The following ZFAT variants were observed in gnomAD, a reference collection of about 807,000 sequenced individuals.
ZFAT encodes the protein zinc finger and AT-hook domain containing.
In ZFAT, 64 loss-of-function variants were observed where a neutral mutation model predicts 117.7. That is an observed-to-expected ratio of 0.54 (90% CI 0.44 to 0.67). The LOEUF is 0.67. ZFAT is among the 30% of genes least tolerant of loss of function. ZFAT has a pLI of 0.00. For missense variants in ZFAT, 1,433 were observed against 1,584.5 expected (o/e 0.90, Z 1.62); for synonymous variants, 679 against 615.0 (o/e 1.10, Z -1.54).
chr8:134,564,609 C>A (rs1373784264), intron 11 of ZFAT, among the ~76,000 whole-genome samples: 3 of 152,194 alleles, frequency 2.0e-5, no homozygotes, highest in Non-Finnish European at 4.4e-5. Context: ...ATTTCAAAAA[C>A]CATTTTAGAG....
chr8:134,726,893 G>A, the ZFAT span, among the ~76,000 whole-genome samples: 63 of 152,156 alleles, frequency 4.1e-4, no homozygotes, highest in Non-Finnish European at 5.9e-4. Context: ...AGAAGCCACC[G>A]CACAGGGCTG....
intron 11 of ZFAT, among the ~76,000 whole-genome samples, chr8:134,540,936 A>T (rs1229134540): frequency 6.6e-6 from 1 of 152,152 alleles, no homozygotes; most frequent in Non-Finnish European, 1.5e-5. Flanking sequence ...TTTTAGGCTC[A>T]TGAAAATGTG....
the ZFAT span, among the ~76,000 whole-genome samples, chr8:134,754,206 T>C: frequency 6.6e-6 from 1 of 152,178 alleles, no homozygotes; most frequent in African/African-American, 2.4e-5. Context: ...ACAGAGTCCT[T>C]GTGAATAAAT....
intron 11 of ZFAT, among the ~76,000 whole-genome samples, chr8:134,541,086 T>G (rs9324581): frequency 0.46 from 69,185 of 151,992 alleles, 16,774 homozygotes; most frequent in East Asian, 0.67. Context: ...GCTTCCTCAC[T>G]TGACCTTAAG....
the ZFAT span, among the ~76,000 whole-genome samples, chr8:134,787,793 T>C: frequency 7.2e-6 from 1 of 138,872 alleles, no homozygotes; most frequent in African/African-American, 2.7e-5. Flanking sequence ...TATATCCATA[T>C]ATTTAGAATT....
chr8:134,706,995 G>A lies in ZFAT; in HGVS notation c.19+5850C>T, dbSNP rs112230407. 1.5e-3 allele frequency among the ~76,000 whole-genome samples: 230 copies of A among 152,056 alleles called. 1 individual carries two copies. Among genetic ancestry groups the A allele is most frequent in the African/African-American group, 5.4e-3 (222 of 41,480 alleles). ...TCTTCCTGTCCCTCAACATTTCCAA[G>A]ATAAAGTCCTGACAGCTTCCCACTA... On this transcript the variant is annotated intron_variant, in intron 1 of 15. Coordinates refer to ENST00000377838, the MANE Select transcript of ZFAT (RefSeq NM_020863.4).
chr8:134,814,940 A>G, the ZFAT span, among the ~76,000 whole-genome samples: 1 of 152,230 alleles, frequency 6.6e-6, no homozygotes, highest in East Asian at 1.9e-4. Context: ...CAACTAGAAG[A>G]ATAGTAAAAT....
At chr8:134,683,077 A>C (rs913053939) in intron 1 of ZFAT, among the ~76,000 whole-genome samples, 11 of 152,250 alleles carry the variant, frequency 7.2e-5, no homozygotes, top group African/African-American at 2.2e-4. Context: ...TTGTTGGAAT[A>C]ATACGCTTTG....
the ZFAT span, among the ~76,000 whole-genome samples, chr8:134,778,071 C>T: frequency 0.018 from 2,787 of 152,282 alleles, 71 homozygotes; most frequent in African/African-American, 0.064. Flanking sequence ...GAAGAACAAT[C>T]CAAAGAGCTG....
the ZFAT span, among the ~76,000 whole-genome samples, chr8:134,768,300 G>T: frequency 2.6e-5 from 4 of 152,088 alleles, no homozygotes; most frequent in Non-Finnish European, 5.9e-5. Context: ...CAGTTGTTTT[G>T]AGGCATCGCA....
intron 3 of ZFAT, among the ~76,000 whole-genome samples, chr8:134,626,825 A>G (rs911149607): frequency 1.1e-4 from 16 of 152,210 alleles, no homozygotes; most frequent in African/African-American, 3.9e-4. Context: ...CATTTATCTG[A>G]GCTTTTTATC....
chr8:134,499,895 G>C (rs978647613), intron 15 of ZFAT, among the ~76,000 whole-genome samples: 7 of 152,218 alleles, frequency 4.6e-5, no homozygotes, highest in African/African-American at 1.7e-4. Context: ...CCCTCCACCA[G>C]CTGGGGACAC....
At chr8:134,748,588 G>A in the ZFAT span, among the ~76,000 whole-genome samples, 3 of 152,096 alleles carry the variant, frequency 2.0e-5, no homozygotes, top group African/African-American at 4.8e-5. Flanking sequence ...GTGAATGTAC[G>A]TATGAGTATC....
the ZFAT span, chr8:134,785,438 T>C: frequency 6.6e-6 from 1 of 152,104 alleles, no homozygotes; most frequent in Non-Finnish European, 1.5e-5. Context: ...ACTCCTTCCT[T>C]ACATTGGTTC....
chr8:134,555,702 A>G (rs558403236), intron 11 of ZFAT, among the ~76,000 whole-genome samples: 67 of 151,932 alleles, frequency 4.4e-4, no homozygotes, highest in African/African-American at 1.6e-3. Context: ...AAAAAGAAAA[A>G]GAAAAAAGAA....
At chr8:134,696,602 C>G in intron 1 of ZFAT, 1 of 986,262 alleles carries the variant, frequency 1.0e-6, no homozygotes, top group South Asian at 4.7e-5. Context: ...TGGCACCACC[C>G]ACCCGCGCTT....
chr8:134,602,244 C>A lies in ZFAT; in HGVS notation c.1475G>T (p.Ser492Ile), dbSNP rs759416037. 7 of 1,613,752 alleles carry A rather than the reference C, an allele frequency of 4.3e-6. No individual in the cohort carries two copies. The East Asian group carries it at 1.3e-4, about 31-fold the overall frequency. Residue 492 changes from serine to isoleucine, a missense_variant, in exon 6 of 16, where the codon AGT (serine) becomes ATT (isoleucine). Coordinates refer to ENST00000377838, the MANE Select transcript of ZFAT (RefSeq NM_020863.4). ...GAGGCAGAAGCTCTGGTTGATGGAA[C>A]TGGTGAAGACCAAGGCCTCCTGGGC... Reference protein sequence around the residue: ...GAAQEALVFTSSINQSFCLLE... With the variant: ...GAAQEALVFTISINQSFCLLE...
At chr8:134,556,719 TAC>T (rs1401724160) in intron 11 of ZFAT, among the ~76,000 whole-genome samples, 1 of 152,048 alleles carries the variant, frequency 6.6e-6, no homozygotes, top group African/African-American at 2.4e-5. Flanking sequence ...GAAGACCACA[TAC>T]AGACATTCTC....
the ZFAT span, among the ~76,000 whole-genome samples, chr8:134,762,011 T>TGTGTGTGTGTGTGTGTGTGTGTGC: frequency 1.1e-4 from 16 of 150,022 alleles, no homozygotes; most frequent in African/African-American, 3.4e-4. Context: ...TGTGTGTGTG[T>TGTGTGTGTGTGTGTGTGTGTGTGC]GCAAATGTGT....
Sources: gnomAD v4.1 joint callset for allele counts (sites outside exome capture counted in the v4.1 genomes callset) on GRCh38, gnomAD v4.1.1 for gene constraint, MANE v1.5 for transcripts, NCBI Gene and HGNC (gene_info 2026-07-23, HGNC 2026-07-21) for gene names.